The following LINGO2 variants were observed in gnomAD, a reference collection of about 807,000 sequenced individuals.
The protein encoded by LINGO2 is leucine-rich repeat and immunoglobulin-like domain-containing nogo receptor-interacting protein 2.
LINGO2 carries 14 observed loss-of-function variants against 30.6 expected under a neutral mutation model. That is an observed-to-expected ratio of 0.46 (90% confidence interval 0.30 to 0.72). The LOEUF (loss-of-function observed/expected upper bound fraction) is 0.72. Among genes scored for constraint, LINGO2 ranks in the 30% least tolerant of loss-of-function variants. LINGO2 has a pLI of 0.07. For missense variants in LINGO2, 729 were observed against 751.7 expected (o/e 0.97, Z 0.35); for synonymous variants, 317 against 288.5 (o/e 1.10, Z -1.00).
rs116250826 is a variant in LINGO2 at position 28,335,591 on chromosome 9, A to G, written c.-246+37245T>C. On this transcript the variant is annotated intron_variant, in intron 3 of 5. Coordinates refer to ENST00000379992, the Ensembl canonical transcript of LINGO2. ...AACAAGAATCTTACCCCAGTTTGAG[A>G]AGCATATTCTTTTGTTTTCCTTAAA... Among the ~76,000 whole-genome samples, 557 of 152,260 alleles carry G rather than the reference A, an allele frequency of 3.7e-3. 8 individuals are homozygous for G. Among genetic ancestry groups the G allele is most frequent in the African/African-American group, 0.013 (520 of 41,566 alleles).
chr9:28,011,005 T>C (rs1158664186), intron 5 of LINGO2, among the ~76,000 whole-genome samples: 1 of 152,178 alleles, frequency 6.6e-6, no homozygotes, highest in African/African-American at 2.4e-5. Flanking sequence ...CTTAACATTA[T>C]CCACAGCTTA....
Position 28,566,430 on chromosome 9 carries a change from A to T in LINGO2, c.-364-90405T>A, listed in dbSNP as rs141901282. On this transcript the variant is annotated intron_variant, in intron 1 of 5. Transcript: ENST00000379992. ...AGGAATATAACTACTATGCCACATG[A>T]AATACCCACCTTCTGGGATATTGAA... 2.2e-3 allele frequency among the ~76,000 whole-genome samples: 336 copies of T among 152,292 alleles called. 7 individuals are homozygous for T. Among genetic ancestry groups the T allele is most frequent in the Admixed American group, 0.02 (304 of 15,298 alleles).
At chr9:28,743,379 C>T in the LINGO2 span, among the ~76,000 whole-genome samples, 1 of 151,846 alleles carries the variant, frequency 6.6e-6, no homozygotes, top group African/African-American at 2.4e-5. Context: ...ATTCCCCTCC[C>T]TGTGTCCATG....
chr9:28,344,040 G>A (rs1488061285), intron 3 of LINGO2, among the ~76,000 whole-genome samples: 3 of 151,988 alleles, frequency 2.0e-5, no homozygotes, highest in Non-Finnish European at 2.9e-5. Context: ...TGTGTATCTC[G>A]TCCCCCAGCT....
the LINGO2 span, among the ~76,000 whole-genome samples, chr9:29,166,332 G>A: frequency 3.1e-3 from 466 of 152,088 alleles, 3 homozygotes; most frequent in African/African-American, 0.01. Context: ...ACTCCTACAC[G>A]TTTTACTTAA....
chr9:29,142,880 T>C, the LINGO2 span, among the ~76,000 whole-genome samples: 13 of 151,972 alleles, frequency 8.6e-5, no homozygotes, highest in African/African-American at 2.9e-4. Context: ...ATAGATGACA[T>C]GTTGTATACA....
At chr9:28,265,069 T>C (rs911286069) in intron 4 of LINGO2, among the ~76,000 whole-genome samples, 1 of 151,954 alleles carries the variant, frequency 6.6e-6, no homozygotes, top group Non-Finnish European at 1.5e-5. Flanking sequence ...GTTTCCAGCC[T>C]GCCAGGCTGC....
At chr9:28,024,121 C>T (rs549327501) in intron 4 of LINGO2, among the ~76,000 whole-genome samples, 1 of 152,332 alleles carries the variant, frequency 6.6e-6, no homozygotes, top group South Asian at 2.1e-4. Context: ...CACTTCCAAG[C>T]TCTTTACCTG....
intron 1 of LINGO2, among the ~76,000 whole-genome samples, chr9:28,559,889 C>A: frequency 6.6e-6 from 1 of 151,794 alleles, no homozygotes; most frequent in East Asian, 1.9e-4. Flanking sequence ...AGAGAATAAT[C>A]CAGGGACTTA....
chr9:29,160,113 C>T, the LINGO2 span, among the ~76,000 whole-genome samples: 12 of 152,142 alleles, frequency 7.9e-5, no homozygotes, highest in Non-Finnish European at 1.8e-4. Context: ...ACACAGATTG[C>T]TGGGCCCCCA....
At chr9:28,475,359 C>A (rs1420368154) in intron 2 of LINGO2, among the ~76,000 whole-genome samples, 1 of 152,010 alleles carries the variant, frequency 6.6e-6, no homozygotes, top group Non-Finnish European at 1.5e-5. Context: ...GAAATTTTGG[C>A]AGTGGATACA....
At chr9:28,355,030 T>C (rs545280474) in intron 3 of LINGO2, among the ~76,000 whole-genome samples, 2 of 152,312 alleles carry the variant, frequency 1.3e-5, no homozygotes, top group South Asian at 4.1e-4. Flanking sequence ...TTATTAAAGG[T>C]GCTAACAAAC....
At chr9:28,738,249 T>C in the LINGO2 span, among the ~76,000 whole-genome samples, 3 of 152,144 alleles carry the variant, frequency 2.0e-5, no homozygotes, top group Non-Finnish European at 4.4e-5. Flanking sequence ...CTGAGATCTA[T>C]CCCTGCCTCA....
chr9:28,036,479 T>TA (rs1303454067), intron 4 of LINGO2, among the ~76,000 whole-genome samples: 1 of 152,188 alleles, frequency 6.6e-6, no homozygotes, highest in African/African-American at 2.4e-5. Context: ...AATCTAGTTC[T>TA]AGTAGACCTA....
chr9:28,520,317 AT>A (rs1219934273), intron 1 of LINGO2, among the ~76,000 whole-genome samples: 1 of 152,040 alleles, frequency 6.6e-6, no homozygotes, highest in Non-Finnish European at 1.5e-5. Flanking sequence ...GACATCAATA[AT>A]TTTTTACTAG....
At chr9:29,136,342 CCTCT>C in the LINGO2 span, among the ~76,000 whole-genome samples, 1 of 151,974 alleles carries the variant, frequency 6.6e-6, no homozygotes, top group Non-Finnish European at 1.5e-5. Flanking sequence ...TAGCTGCTAC[CCTCT>C]CTATCTTCTT....
intron 4 of LINGO2, among the ~76,000 whole-genome samples, chr9:28,107,222 C>G (rs150653789): frequency 6.6e-6 from 1 of 152,142 alleles, no homozygotes; most frequent in Non-Finnish European, 1.5e-5. Context: ...GGTCTTTCCC[C>G]CACTAGCCAA....
the LINGO2 span, among the ~76,000 whole-genome samples, chr9:28,825,496 C>T: frequency 0.15 from 22,086 of 151,524 alleles, 1,802 homozygotes; most frequent in East Asian, 0.33. Flanking sequence ...ACGTCAAGAA[C>T]TTCCATCTGC....
At chr9:28,256,485 C>A (rs993401001) in intron 4 of LINGO2, among the ~76,000 whole-genome samples, 6 of 151,824 alleles carry the variant, frequency 4.0e-5, no homozygotes, top group African/African-American at 1.4e-4. Flanking sequence ...ATGCAATAGA[C>A]AGACATCAAA....
Sources: allele counts gnomAD v4.1 joint callset (sites outside exome capture counted in the v4.1 genomes callset), GRCh38; gene constraint gnomAD v4.1.1; transcripts MANE v1.5; gene names NCBI Gene and HGNC (gene_info 2026-07-23, HGNC 2026-07-21).